The following SPTLC2 variants were observed in gnomAD, a reference collection of about 807,000 sequenced individuals.
SPTLC2 encodes the protein serine palmitoyltransferase 2.
Under a neutral mutation model 62.0 loss-of-function variants are expected in SPTLC2, and 21 were observed. The observed-to-expected ratio is 0.34, with a 90% CI of 0.24 to 0.49. The LOEUF (loss-of-function observed/expected upper bound fraction) is 0.49, where lower values mean the gene tolerates loss of function less well. Among genes scored for constraint, SPTLC2 ranks in the 20% least tolerant of loss-of-function variants. SPTLC2 has a pLI of 0.99. For missense variants in SPTLC2, 511 were observed against 713.0 expected (o/e 0.72, Z 3.23); for synonymous variants, 261 against 261.8 (o/e 1.00, Z 0.03).
chr14:77,513,362 C>T (rs776373994), intron 11 of SPTLC2, among the ~76,000 whole-genome samples: 4 of 152,060 alleles, frequency 2.6e-5, no homozygotes, highest in Non-Finnish European at 5.9e-5. Context: ...AGAGAGAAAA[C>T]CACCAGTATT....
chr14:77,529,620 C>CTTTTTTTTT (rs71452856), intron 9 of SPTLC2, among the ~76,000 whole-genome samples: 4 of 76,044 alleles, frequency 5.3e-5, no homozygotes, highest in Non-Finnish European at 8.1e-5. Flanking sequence ...TTCTTTCTTT[C>CTTTTTTTTT]TTTTTTTTTT....
At chr14:77,546,432 T>C (rs1462510269) in intron 9 of SPTLC2, among the ~76,000 whole-genome samples, 5 of 152,186 alleles carry the variant, frequency 3.3e-5, no homozygotes, top group African/African-American at 1.2e-4. Flanking sequence ...ATCTAAAATA[T>C]GAGTTTGCTT....
intron 2 of SPTLC2, among the ~76,000 whole-genome samples, chr14:77,594,831 G>A (rs1234528617): frequency 1.3e-5 from 2 of 149,062 alleles, no homozygotes; most frequent in African/African-American, 4.9e-5. Context: ...TACACTAGGA[G>A]AGGTCCCTGC....
chr14:77,533,895 T>G (rs1233361579), intron 9 of SPTLC2, among the ~76,000 whole-genome samples: 1 of 152,130 alleles, frequency 6.6e-6, no homozygotes, highest in Non-Finnish European at 1.5e-5. Flanking sequence ...CAGTGGCTCA[T>G]GCCTGTAATC....
chr14:77,596,995 T>G (rs1193836618), intron 2 of SPTLC2, among the ~76,000 whole-genome samples, 191 bp downstream of exon 2: 1 of 152,236 alleles, frequency 6.6e-6, no homozygotes, highest in Non-Finnish European at 1.5e-5. Context: ...ATTAAACCCA[T>G]GATGAATGCT....
At chr14:77,580,477 C>CTAA (rs1566786498) in intron 2 of SPTLC2, among the ~76,000 whole-genome samples, 18 of 109,750 alleles carry the variant, frequency 1.6e-4, no homozygotes, top group East Asian at 2.7e-4. Context: ...GACTCCATAT[C>CTAA]AAAAAAAAAA....
chr14:77,574,232 G>A (rs2079700928), intron 4 of SPTLC2, among the ~76,000 whole-genome samples: 2 of 152,180 alleles, frequency 1.3e-5, no homozygotes, highest in African/African-American at 2.4e-5. Flanking sequence ...CCCTTATAGA[G>A]TGGAATCCTT....
chr14:77,535,409 T>C (rs1250711573), intron 9 of SPTLC2, among the ~76,000 whole-genome samples: 1 of 152,106 alleles, frequency 6.6e-6, no homozygotes, highest in Non-Finnish European at 1.5e-5. Flanking sequence ...TGGGGAGGGT[T>C]CTTAAACAGA....
In SPTLC2 at chr14:77,506,502, G is replaced by A. The variant is rs1302815270; in HGVS notation, c.*5782C>T. The A allele has an allele frequency of 1.3e-5, 2 of 152,210 alleles. No homozygotes were observed. The highest frequency in any genetic ancestry group is 2.9e-5 in the Non-Finnish European group (2 of 68,048). The allele number at this position is 152,210 out of a possible 1,614,324, so 9.4% of individuals were successfully genotyped here. On this transcript the variant is annotated 3_prime_UTR_variant, in exon 12 of 12. Coordinates refer to ENST00000216484, the MANE Select transcript of SPTLC2 (RefSeq NM_004863.4). Reference sequence around the variant, plus strand: ...TCAAGACTGTGTGGACATGCTAGCTGAATTGACAGGGTGGGTTCCAGTGTC... The same window carrying A: ...TCAAGACTGTGTGGACATGCTAGCTAAATTGACAGGGTGGGTTCCAGTGTC...
At chr14:77,583,692 C>G (rs1418229104) in intron 2 of SPTLC2, among the ~76,000 whole-genome samples, 1 of 152,168 alleles carries the variant, frequency 6.6e-6, no homozygotes, top group East Asian at 1.9e-4. Context: ...CAGTACCTTC[C>G]AGGCACTAAA....
At position 77,562,254 on chromosome 14, in the gene SPTLC2, A is replaced by T. The variant is rs1228839226; in HGVS notation, c.850+142T>A. On this transcript the variant is annotated intron_variant, in intron 6 of 11. Transcript: ENST00000216484. ...TTCCATCAACCTCTAATTTTAAAAG[A>T]CTGGACCGGAAGAACATTTTAAATG... 3 of 739,052 alleles carry T rather than the reference A, an allele frequency of 4.1e-6. No homozygotes were observed. The African/African-American group carries it at 5.2e-5, about 13-fold the overall frequency. The allele number at this position is 739,052 out of a possible 1,614,324, so 45.8% of individuals were successfully genotyped here. A position where few individuals can be genotyped will look rare whatever the true frequency, so the allele number is the denominator to read the frequency against.
At position 77,616,607 on chromosome 14, in the gene SPTLC2, G is replaced by C. The variant is rs1232328109; in HGVS notation, c.-28C>G. Reference sequence around the variant, plus strand: ...TCCTGGCAGCACCAGGCGCAAGGCAGGCTCTGTAGGCGGTGGCAGCGGCGG... The same window carrying C: ...TCCTGGCAGCACCAGGCGCAAGGCACGCTCTGTAGGCGGTGGCAGCGGCGG... On this transcript the variant is annotated 5_prime_UTR_variant, in exon 1 of 12. Transcript: ENST00000216484. 5 of 1,534,562 alleles carry C rather than the reference G, an allele frequency of 3.3e-6. No individual in the cohort carries two copies. Among genetic ancestry groups the C allele is most frequent in the Non-Finnish European group, 4.4e-6 (5 of 1,145,790 alleles).
At chr14:77,612,449 T>C (rs1013320053) in intron 1 of SPTLC2, among the ~76,000 whole-genome samples, 1 of 152,222 alleles carries the variant, frequency 6.6e-6, no homozygotes, top group Non-Finnish European at 1.5e-5. Flanking sequence ...TGCAGCTATG[T>C]AAGAATCAAG....
intron 5 of SPTLC2, among the ~76,000 whole-genome samples, chr14:77,563,896 T>C (rs568785337): frequency 4.5e-4 from 68 of 152,318 alleles, no homozygotes; most frequent in Non-Finnish European, 7.6e-4. Flanking sequence ...GTGTTTGAAA[T>C]TTTTATTATG....
At chr14:77,520,139 C>G (rs1472402583) in intron 10 of SPTLC2, among the ~76,000 whole-genome samples, 1 of 18,014 alleles carries the variant, frequency 5.6e-5, no homozygotes, top group Non-Finnish European at 2.5e-4. Flanking sequence ...GAGACACAGC[C>G]TTCTTTAAAG....
chr14:77,555,012 G>T, intron 8 of SPTLC2: 1 of 417,576 alleles, frequency 2.4e-6, no homozygotes, highest in Admixed American at 3.5e-5. Flanking sequence ...CAGAAGGCTG[G>T]GGCGGGCAGG....
In SPTLC2 at chr14:77,597,285, C is replaced by T. The variant is rs770043096; in HGVS notation, c.228G>A (p.Val76=). The T allele has an allele frequency of 1.9e-6, 3 of 1,614,152 alleles. No homozygotes were observed. Among genetic ancestry groups the T allele is most frequent in the South Asian group, 2.2e-5 (2 of 91,078 alleles). ...CAAAGAGGGTGAGTACGCCATACCC[C>T]ACATACGTGAGCACAGCAACCAGCA... The part of the protein sequence containing the change: ...TPMLVAVLTY[V]GYGVLTLFGY... The change falls in exon 2 of 12, where the codon GTG becomes GTA. Residue 76 remains valine (V), a synonymous_variant. Coordinates refer to ENST00000216484, the MANE Select transcript of SPTLC2 (RefSeq NM_004863.4).
At chr14:77,581,513 C>A (rs975781148) in intron 2 of SPTLC2, among the ~76,000 whole-genome samples, 1 of 146,496 alleles carries the variant, frequency 6.8e-6, no homozygotes, top group Non-Finnish European at 1.5e-5. Context: ...CAGGTTCAAG[C>A]GACTCTCCTG....
chr14:77,573,676 G>C (rs2079697252), intron 4 of SPTLC2, among the ~76,000 whole-genome samples: 1 of 152,232 alleles, frequency 6.6e-6, no homozygotes, highest in African/African-American at 2.4e-5. Context: ...TTGCCCAGGT[G>C]GAGTGCAGTG....
Sources: allele counts gnomAD v4.1 joint callset (sites outside exome capture counted in the v4.1 genomes callset), GRCh38; gene constraint gnomAD v4.1.1; transcripts MANE v1.5; gene names NCBI Gene and HGNC (gene_info 2026-07-23, HGNC 2026-07-21).